SAMD4A: variants seen among roughly 807,000 people sequenced by gnomAD.
SAMD4A encodes protein Smaug homolog 1.
A neutral mutation model predicts 81.3 loss-of-function variants in SAMD4A; 33 were observed. The ratio of observed to expected loss-of-function variants is 0.41; its 90% CI spans 0.31 to 0.54. SAMD4A has a LOEUF of 0.54. Among genes scored for constraint, SAMD4A ranks in the 20% least tolerant of loss-of-function variants. SAMD4A has a pLI of 0.37. For missense variants in SAMD4A, 854 were observed against 951.1 expected (o/e 0.90, Z 1.34); for synonymous variants, 389 against 382.1 (o/e 1.02, Z -0.21).
intron 3 of SAMD4A, among the ~76,000 whole-genome samples, chr14:54,705,289 T>C (rs1453245532): frequency 6.6e-6 from 1 of 152,168 alleles, no homozygotes; most frequent in African/African-American, 2.4e-5. Context: ...GCGCCTGACA[T>C]AAGCACCTTA....
At chr14:54,660,087 A>G (rs1048172375) in intron 2 of SAMD4A, among the ~76,000 whole-genome samples, 1 of 152,076 alleles carries the variant, frequency 6.6e-6, no homozygotes, top group African/African-American at 2.4e-5. Flanking sequence ...CTCAGAAAAA[A>G]AAAAAAAAGG....
intron 11 of SAMD4A, among the ~76,000 whole-genome samples, chr14:54,778,084 T>G (rs2038905837): frequency 6.6e-6 from 1 of 152,112 alleles, no homozygotes; most frequent in African/African-American, 2.4e-5. Context: ...CTTGAATGGG[T>G]CTTTCACCCT....
chr14:54,758,937 T>C (rs1304508074), intron 6 of SAMD4A, among the ~76,000 whole-genome samples: 2 of 152,190 alleles, frequency 1.3e-5, no homozygotes, highest in African/African-American at 4.8e-5. Flanking sequence ...GGAGAGCAGC[T>C]TTGTTGCAGA....
intron 4 of SAMD4A, among the ~76,000 whole-genome samples, chr14:54,738,711 C>T (rs903623458): frequency 7.2e-5 from 11 of 152,162 alleles, no homozygotes; most frequent in African/African-American, 2.7e-4. Flanking sequence ...CCAGGTGATG[C>T]GTAGCAGGTG....
chr14:54,733,945 C>T lies in SAMD4A; in HGVS notation c.716-3079C>T, dbSNP rs567159535. 1.1e-4 allele frequency among the ~76,000 whole-genome samples: 17 copies of T among 152,304 alleles called. No homozygotes were observed. In the South Asian group the frequency reaches 3.5e-3, roughly 32 times the overall value. Reference sequence around the variant, plus strand: ...TGGGGATGAAACAACCACTGCTACTCTGCCACTGGCCCCCTCGTCAATTCC... The same window carrying T: ...TGGGGATGAAACAACCACTGCTACTTTGCCACTGGCCCCCTCGTCAATTCC... On this transcript the variant is annotated intron_variant, in intron 3 of 12. Transcript: ENST00000554335.
In SAMD4A at chr14:54,567,623, A is replaced by T; in HGVS notation, c.-294A>T. The T allele has an allele frequency of 2.4e-6, 1 of 411,080 alleles. No individual in the cohort carries two copies. The highest frequency in any genetic ancestry group is 4.3e-6 in the Non-Finnish European group (1 of 231,616). 25.5% of individuals were successfully genotyped at this position (411,080 alleles called of 1,614,324 possible). A position where few individuals can be genotyped will look rare whatever the true frequency, so the allele number is the denominator to read the frequency against. On this transcript the variant is annotated 5_prime_UTR_variant, in exon 2 of 13. Coordinates refer to ENST00000554335, the MANE Select transcript of SAMD4A (RefSeq NM_015589.6). Reference sequence around the variant, plus strand: ...AGGGGGGAGAAAGCATTCTTCATTCAGTTGTGTGCCTTGTGGGGGATTTTT... The same window carrying T: ...AGGGGGGAGAAAGCATTCTTCATTCTGTTGTGTGCCTTGTGGGGGATTTTT...
intron 2 of SAMD4A, among the ~76,000 whole-genome samples, chr14:54,586,787 C>G (rs2033634247): frequency 6.6e-6 from 1 of 152,000 alleles, no homozygotes; most frequent in Admixed American, 6.6e-5. Context: ...TGGTCTAGTG[C>G]CTATTTTTAT....
intron 12 of SAMD4A, 28 bp downstream of exon 12, chr14:54,784,648 A>G: frequency 1.3e-6 from 2 of 1,589,170 alleles, no homozygotes; most frequent in East Asian, 2.2e-5. Context: ...GCATGTCCCC[A>G]TGTCCCTGTT....
At chr14:54,777,973 C>T (rs978270353) in intron 11 of SAMD4A, among the ~76,000 whole-genome samples, 5 of 152,108 alleles carry the variant, frequency 3.3e-5, no homozygotes, top group African/African-American at 1.2e-4. Context: ...GTCCTTTCAT[C>T]CCATCCTCTG....
At chr14:54,614,139 C>T (rs985553271) in intron 2 of SAMD4A, among the ~76,000 whole-genome samples, 1 of 152,184 alleles carries the variant, frequency 6.6e-6, no homozygotes, top group African/African-American at 2.4e-5. Context: ...ATCTAGCTGA[C>T]TGCAATTAAC....
At chr14:54,608,303 G>A (rs2034268025) in intron 2 of SAMD4A, among the ~76,000 whole-genome samples, 1 of 152,180 alleles carries the variant, frequency 6.6e-6, no homozygotes, top group South Asian at 2.1e-4. Flanking sequence ...AGCACTTGGT[G>A]CTCTGTGGTG....
chr14:54,775,593 G>A (rs2038822247), intron 10 of SAMD4A, among the ~76,000 whole-genome samples: 1 of 152,100 alleles, frequency 6.6e-6, no homozygotes. Flanking sequence ...CACATTCTCA[G>A]CCTGCCCAGA....
chr14:54,622,589 G>A (rs1379301603), intron 2 of SAMD4A, among the ~76,000 whole-genome samples: 1 of 152,242 alleles, frequency 6.6e-6, no homozygotes, highest in Non-Finnish European at 1.5e-5. Context: ...TTGTTCCTGA[G>A]TGTGAAGAGC....
intron 2 of SAMD4A, among the ~76,000 whole-genome samples, chr14:54,593,959 C>G (rs146199610): frequency 8.4e-4 from 128 of 152,184 alleles, no homozygotes; most frequent in African/African-American, 3.0e-3. Context: ...GATGGGATTT[C>G]TTCTGTAGTA....
At chr14:54,598,243 G>GC (rs1566539739) in intron 2 of SAMD4A, among the ~76,000 whole-genome samples, 1 of 152,178 alleles carries the variant, frequency 6.6e-6, no homozygotes, top group Non-Finnish European at 1.5e-5. Context: ...GTGGGTCCTT[G>GC]CGTAACATAG....
At chr14:54,568,697 A>G (rs1259306241) in intron 2 of SAMD4A, among the ~76,000 whole-genome samples, 2 of 7,754 alleles carry the variant, frequency 2.6e-4, no homozygotes, top group Non-Finnish European at 5.1e-4. Flanking sequence ...CAGCATATAT[A>G]TATATATATA....
intron 9 of SAMD4A, among the ~76,000 whole-genome samples, chr14:54,771,613 G>T (rs540196783): frequency 1.3e-5 from 2 of 152,338 alleles, no homozygotes; most frequent in Admixed American, 6.5e-5. Flanking sequence ...GAAAGGCAAG[G>T]TCTGCTTCCT....
At chr14:54,689,545 A>T (rs1453218979) in intron 2 of SAMD4A, 1 of 152,262 alleles carries the variant, frequency 6.6e-6, no homozygotes. Context: ...CACACAGCTC[A>T]TTCAATGGAA....
intron 2 of SAMD4A, among the ~76,000 whole-genome samples, chr14:54,676,266 T>A (rs1170695821): frequency 6.6e-6 from 1 of 152,244 alleles, no homozygotes; most frequent in Non-Finnish European, 1.5e-5. Flanking sequence ...TTTTTCATGG[T>A]TGTACTCAGT....
Sources: gnomAD v4.1 joint callset for allele counts (sites outside exome capture counted in the v4.1 genomes callset) on GRCh38, gnomAD v4.1.1 for gene constraint, MANE v1.5 for transcripts, NCBI Gene and HGNC (gene_info 2026-07-23, HGNC 2026-07-21) for gene names.